Variants in PPIP5K2 observed in about 807,000 individuals in gnomAD.
PPIP5K2 encodes diphosphoinositol pentakisphosphate kinase 2.
A neutral mutation model predicts 154.6 loss-of-function variants in PPIP5K2; 105 were observed. That is an observed-to-expected ratio of 0.68 (90% CI 0.58 to 0.80). PPIP5K2 has a LOEUF of 0.80. PPIP5K2 is among the 30% of genes least tolerant of loss of function. PPIP5K2 has a pLI of 0.00. For synonymous variants in PPIP5K2, 480 were observed against 490.3 expected, an observed-to-expected ratio of 0.98 and a Z score of 0.28; for missense variants, 992 against 1,504.6, an observed-to-expected ratio of 0.66 and a Z score of 5.64.
At chr5:103,191,728 T>G (rs1554227007) in intron 29 of PPIP5K2, among the ~76,000 whole-genome samples, 3 of 152,102 alleles carry the variant, frequency 2.0e-5, no homozygotes, top group African/African-American at 7.2e-5. Context: ...GCTTCCTTTT[T>G]AGGTGTGAGA....
In PPIP5K2 at chr5:103,120,450, A is replaced by C. The variant is rs782285976; in HGVS notation, c.-323A>C. On this transcript the variant is annotated 5_prime_UTR_variant, in exon 1 of 31. Transcript: ENST00000358359. The stretch of plus-strand genomic sequence containing the variant: ...AACCTAGACCTGAATGGGCTTGACC[A>C]TCTCACAACTGCTCGCGTGACGACC... The C allele has an allele frequency of 2.2e-6, 1 of 456,614 alleles. No homozygotes were observed. The highest frequency in any genetic ancestry group is 2.0e-5 in the African/African-American group (1 of 50,048). 28.3% of individuals were successfully genotyped at this position (456,614 alleles called of 1,614,324 possible). A position where few individuals can be genotyped will look rare whatever the true frequency, so the allele number is the denominator to read the frequency against.
rs1554210444 is a variant in PPIP5K2, at chr5:103,149,253, C to A, written c.846C>A (p.Tyr282Ter). ...ERDSEGKEVR[Y>*]PVILNAREKL... ...ACAGTGAAGGAAAAGAAGTAAGATA[C>A]CCTGTTATTCTCAATGCACGAGAGA... The change falls in exon 8 of 31, where the codon TAC becomes TAA. Residue 282 changes from tyrosine to a stop codon, truncating the protein, a stop_gained. Transcript: ENST00000358359. LOFTEE classifies it high-confidence loss of function. 1 of 1,613,776 alleles carries A rather than the reference C, an allele frequency of 6.2e-7. No individual in the cohort carries two copies. Among genetic ancestry groups the A allele is most frequent in the Admixed American group, 1.7e-5 (1 of 59,994 alleles).
At position 103,211,920 on chromosome 5, in the gene PPIP5K2, A is replaced by G. The variant is rs1803829250; in HGVS notation, c.*10286A>G. 1 of 152,176 alleles carries G rather than the reference A, an allele frequency of 6.6e-6. No individual in the cohort carries two copies. The highest frequency in any genetic ancestry group is 1.5e-5 in the Non-Finnish European group (1 of 67,994). The allele number at this position is 152,176 out of a possible 1,614,324, so 9.4% of individuals were successfully genotyped here. ...TTTGGAAATATATGTTACAGGTGAA[A>G]AGCAAGAATTAAAACTAGTTATCTG... is the stretch of plus-strand genomic sequence containing the variant. On this transcript the variant is annotated 3_prime_UTR_variant, in exon 31 of 31. Coordinates refer to ENST00000358359, the MANE Select transcript of PPIP5K2 (RefSeq NM_001276277.3).
chr5:103,140,505 A>G (rs1792379842), intron 5 of PPIP5K2, among the ~76,000 whole-genome samples: 2 of 152,186 alleles, frequency 1.3e-5, no homozygotes, highest in Non-Finnish European at 2.9e-5. Context: ...ATGGCATTCA[A>G]AGTGTTGAAG....
rs1401229274 is a variant in PPIP5K2, at chr5:103,209,115, G to A, written c.*7481G>A. ...TCAGAATCAAATGAAATAATATTTG[G>A]TAAACTATAAAGTGAAGACCAAATT... On this transcript the variant is annotated 3_prime_UTR_variant, in exon 31 of 31. Transcript: ENST00000358359. 1 of 152,234 alleles carries A rather than the reference G, an allele frequency of 6.6e-6. No individual in the cohort carries two copies. Among genetic ancestry groups the A allele is most frequent in the East Asian group, 1.9e-4 (1 of 5,182 alleles). 9.4% of individuals were successfully genotyped at this position (152,234 alleles called of 1,614,324 possible). A position where few individuals can be genotyped will look rare whatever the true frequency, so the allele number is the denominator to read the frequency against.
At chr5:103,164,437 C>T (rs1796825009) in intron 17 of PPIP5K2, among the ~76,000 whole-genome samples, 1 of 151,990 alleles carries the variant, frequency 6.6e-6, no homozygotes, top group African/African-American at 2.4e-5. Context: ...AAATTAATAA[C>T]ACCAGGTGAA....
chr5:103,183,139 T>C, intron 24 of PPIP5K2, 95 bp from the exon 25 acceptor site: 1 of 1,059,320 alleles, frequency 9.4e-7, no homozygotes, highest in Admixed American at 4.0e-5. Flanking sequence ...TTCTTTCTGA[T>C]CATTTGGCTC....
At chr5:103,142,298 A>G (rs32842) in intron 5 of PPIP5K2, among the ~76,000 whole-genome samples, 44,406 of 150,972 alleles carry the variant, frequency 0.29, 6,684 homozygotes, top group East Asian at 0.45. Context: ...CTCATTGTCC[A>G]GGGCCAGGCT....
At chr5:103,152,939 A>T (rs921158698) in intron 10 of PPIP5K2, among the ~76,000 whole-genome samples, 190 bp downstream of exon 10, 7 of 151,892 alleles carry the variant, frequency 4.6e-5, no homozygotes, top group Admixed American at 1.3e-4. Flanking sequence ...TAAACTACTG[A>T]AACATGCCTG....
intron 2 of PPIP5K2, among the ~76,000 whole-genome samples, chr5:103,132,771 G>A (rs1554203027): frequency 6.6e-6 from 1 of 152,168 alleles, no homozygotes; most frequent in African/African-American, 2.4e-5. Context: ...TGAATCTTGA[G>A]TAATTTTATA....
chr5:103,183,176 CTTTTTTTTTTT>C (rs781952635), intron 24 of PPIP5K2, 47 bp from the exon 25 acceptor site: 10 of 538,848 alleles, frequency 1.9e-5, no homozygotes, highest in Non-Finnish European at 2.3e-5. Flanking sequence ...GCATGCTCTG[CTTTTTTTTTTT>C]TTTTTTTTTT....
At chr5:103,135,109 C>T (rs1554203758) in intron 3 of PPIP5K2, among the ~76,000 whole-genome samples, 2 of 152,208 alleles carry the variant, frequency 1.3e-5, no homozygotes, top group Admixed American at 6.5e-5. Context: ...TGATTTTTAT[C>T]CTTTTCCATA....
rs1233514882 is a variant in PPIP5K2, at chr5:103,207,112, C to T, written c.*5478C>T. Reference sequence around the variant, plus strand: ...CCCAGGGGGTCCTGAGCACCAGATACAACTCCCTCCAGAGACTGGCTGTGT... The same window carrying T: ...CCCAGGGGGTCCTGAGCACCAGATATAACTCCCTCCAGAGACTGGCTGTGT... On this transcript the variant is annotated 3_prime_UTR_variant, in exon 31 of 31. Coordinates refer to ENST00000358359, the MANE Select transcript of PPIP5K2 (RefSeq NM_001276277.3). 1.3e-5 allele frequency: 2 copies of T among 152,276 alleles called. No homozygotes were observed. Among genetic ancestry groups the T allele is most frequent in the South Asian group, 2.1e-4 (1 of 4,832 alleles). The allele number at this position is 152,276 out of a possible 1,614,324, so 9.4% of individuals were successfully genotyped here. A position where few individuals can be genotyped will look rare whatever the true frequency, so the allele number is the denominator to read the frequency against.
At chr5:103,191,617 C>A (rs1801249510) in intron 29 of PPIP5K2, among the ~76,000 whole-genome samples, 1 of 152,044 alleles carries the variant, frequency 6.6e-6, no homozygotes, top group Non-Finnish European at 1.5e-5. Context: ...CTGTATAACC[C>A]AGATTTTCCA....
intron 21 of PPIP5K2, among the ~76,000 whole-genome samples, chr5:103,176,683 T>C (rs1479448370): frequency 1.3e-5 from 2 of 152,056 alleles, no homozygotes; most frequent in Non-Finnish European, 2.9e-5. Context: ...TTACATAGTA[T>C]ACAACAAAGG....
At position 103,180,030 on chromosome 5, in the gene PPIP5K2, A is replaced by G. The variant is rs142663932; in HGVS notation, c.2764A>G (p.Arg922Gly). The change falls in exon 24 of 31, where the codon AGG becomes GGG. Residue 922 changes from arginine to glycine, a missense_variant. Transcript: ENST00000358359. ...TATTCTTTGCTCACAGAATGAAGGC[A>G]GGAGACCTTTTAAAATTGATAATGA... is the stretch of plus-strand genomic sequence containing the variant. Reference protein sequence around the residue: ...YRPASRENEGRRPFKIDNDDE... With the variant: ...YRPASRENEGGRPFKIDNDDE... The G allele has an allele frequency of 3.4e-5, 53 of 1,538,410 alleles. No homozygotes were observed. The highest frequency in any genetic ancestry group is 4.5e-5 in the Non-Finnish European group (52 of 1,145,136).
Position 103,212,452 on chromosome 5 carries a change from T to G in PPIP5K2, c.*10818T>G, listed in dbSNP as rs1803855361. Reference sequence around the variant, plus strand: ...GGCATATAGGGAACAGAATAAGACATGAGGGTAGGAAGAGGTTTTTAAAAG... The same window carrying G: ...GGCATATAGGGAACAGAATAAGACAGGAGGGTAGGAAGAGGTTTTTAAAAG... On this transcript the variant is annotated 3_prime_UTR_variant, in exon 31 of 31. Transcript: ENST00000358359. 1 of 152,094 alleles carries G rather than the reference T, an allele frequency of 6.6e-6. No homozygotes were observed. The highest frequency in any genetic ancestry group is 2.1e-4 in the South Asian group (1 of 4,830). The allele number at this position is 152,094 out of a possible 1,614,324, so 9.4% of individuals were successfully genotyped here.
chr5:103,159,019 ACTG>A (rs1554214709), intron 16 of PPIP5K2, 124 bp from the exon 17 acceptor site: 41 of 622,366 alleles, frequency 6.6e-5, no homozygotes, highest in Middle Eastern at 4.5e-4. Flanking sequence ...ACAATAATGA[ACTG>A]TAGTATTAAT....
chr5:103,167,880 G>A (rs1241048366), intron 18 of PPIP5K2, among the ~76,000 whole-genome samples, 192 bp from the exon 19 acceptor site: 3 of 151,796 alleles, frequency 2.0e-5, no homozygotes, highest in African/African-American at 7.3e-5. Context: ...TATGGAAAAA[G>A]TCTAAGCCTA....
Sources: allele counts gnomAD v4.1 joint callset (sites outside exome capture counted in the v4.1 genomes callset), GRCh38; gene constraint gnomAD v4.1.1; transcripts MANE v1.5; gene names NCBI Gene and HGNC (gene_info 2026-07-23, HGNC 2026-07-21).